The following SPTY2D1 variants were observed in gnomAD, a reference collection of about 807,000 sequenced individuals.
SPTY2D1 encodes SPT2 chromatin protein domain containing 1.
Under a neutral mutation model 64.0 loss-of-function variants are expected in SPTY2D1, and 21 were observed. The observed-to-expected ratio is 0.33, with a 90% CI of 0.23 to 0.47. The LOEUF is 0.47. SPTY2D1 is among the 20% of genes least tolerant of loss of function. The probability of loss-of-function intolerance (pLI) is 1.00; values close to 1 mark genes in which losing one functional copy is unlikely to be tolerated. For missense variants in SPTY2D1, 724 were observed against 837.2 expected (o/e 0.86, Z 1.67); for synonymous variants, 287 against 286.8 (o/e 1.00, Z -0.01).
Position 18,607,220 on chromosome 11 carries a change from C to G in SPTY2D1, c.*2641G>C, listed in dbSNP as rs1854123810. The G allele has an allele frequency of 6.4e-6, 1 of 155,196 alleles. No homozygotes were observed. Among genetic ancestry groups the G allele is most frequent in the African/African-American group, 2.4e-5 (1 of 41,446 alleles). The allele number at this position is 155,196 out of a possible 1,614,324, so 9.6% of individuals were successfully genotyped here. ...TTTTCACGGCACACATGTAAGGCCGCCTGTGACATGTGGTACCCTGGCCTC... is the reference window on the plus strand; with the variant it reads ...TTTTCACGGCACACATGTAAGGCCGGCTGTGACATGTGGTACCCTGGCCTC... On this transcript the variant is annotated 3_prime_UTR_variant, in exon 6 of 6. Transcript: ENST00000336349.
Position 18,613,242 on chromosome 11 carries a change from T to C in SPTY2D1, c.1712-754A>G, listed in dbSNP as rs780664115. On this transcript the variant is annotated intron_variant, in intron 3 of 5. Coordinates refer to ENST00000336349, the MANE Select transcript of SPTY2D1 (RefSeq NM_194285.3). ...ATTATATTGTTCAAACTGAGTAAGT[T>C]TGACTGTAGGAAAAACTCACTACAT... 3.3e-5 allele frequency among the ~76,000 whole-genome samples: 5 copies of C among 152,242 alleles called. No individual in the cohort carries two copies. In the East Asian group the frequency reaches 5.8e-4, roughly 18 times the overall value.
chr11:18,622,725 G>A (rs971974790), intron 1 of SPTY2D1, among the ~76,000 whole-genome samples: 9 of 152,188 alleles, frequency 5.9e-5, no homozygotes, highest in Admixed American at 2.0e-4. Flanking sequence ...GCTGAGGCGG[G>A]CAGATCACCT....
chr11:18,616,847 A>T, intron 2 of SPTY2D1, 28 bp downstream of exon 2: 2 of 1,602,942 alleles, frequency 1.2e-6, no homozygotes, highest in Non-Finnish European at 1.7e-6. Context: ...AATACTTTAA[A>T]ATTGAGAATA....
At chr11:18,616,199 T>A in intron 2 of SPTY2D1, 101 bp from the exon 3 acceptor site, 1 of 1,080,904 alleles carries the variant, frequency 9.3e-7, no homozygotes, top group Non-Finnish European at 1.3e-6. Flanking sequence ...TGAAGACATC[T>A]AGGAATCAAA....
intron 2 of SPTY2D1, among the ~76,000 whole-genome samples, chr11:18,616,643 C>T (rs539760210): frequency 1.3e-5 from 2 of 152,008 alleles, no homozygotes; most frequent in East Asian, 1.9e-4. Context: ...CCCCAAAAAG[C>T]TGTTACTTCA....
At chr11:18,631,048 AG>A (rs1854579093) in intron 1 of SPTY2D1, among the ~76,000 whole-genome samples, 1 of 152,138 alleles carries the variant, frequency 6.6e-6, no homozygotes, top group Admixed American at 6.5e-5. Context: ...CACATTGGCC[AG>A]GCTGGTCTCA....
At chr11:18,624,087 G>T (rs1462404964) in intron 1 of SPTY2D1, among the ~76,000 whole-genome samples, 1 of 151,998 alleles carries the variant, frequency 6.6e-6, no homozygotes, top group Non-Finnish European at 1.5e-5. Flanking sequence ...CATTGAGCAG[G>T]CAAGACCTTT....
intron 1 of SPTY2D1, among the ~76,000 whole-genome samples, chr11:18,618,187 G>C (rs991749545): frequency 6.6e-6 from 1 of 152,054 alleles, no homozygotes; most frequent in African/African-American, 2.4e-5. Context: ...ACACACAAAG[G>C]CTGGGGCAAA....
chr11:18,615,641 C>T lies in SPTY2D1; in HGVS notation c.633G>A (p.Lys211=). 1 of 1,614,170 alleles carries T rather than the reference C, an allele frequency of 6.2e-7. No homozygotes were observed. The highest frequency in any genetic ancestry group is 8.5e-7 in the Non-Finnish European group (1 of 1,180,012). Residue 211 remains lysine (K), a synonymous_variant, in exon 3 of 6, where the codon AAG becomes AAA. Coordinates refer to ENST00000336349, the MANE Select transcript of SPTY2D1 (RefSeq NM_194285.3). ...ELREREFLER[K]HRRKKLETDG... is the part of the protein sequence containing the mutation. ...CTGTCTCAAGTTTTTTTCTCCTATG[C>T]TTTCGTTCAAGGAATTCTCGCTCCC... is the stretch of plus-strand genomic sequence containing the variant.
intron 1 of SPTY2D1, among the ~76,000 whole-genome samples, chr11:18,630,542 G>T (rs1453840353): frequency 6.6e-6 from 1 of 152,196 alleles, no homozygotes; most frequent in Non-Finnish European, 1.5e-5. Context: ...TTGGATTTTA[G>T]TCTAATCATC....
At position 18,616,890 on chromosome 11, in the gene SPTY2D1, C is replaced by T. The variant is rs750581482; in HGVS notation, c.160G>A (p.Glu54Lys). Reference sequence around the variant, plus strand: ...AGATACATACCTTTTCGTCTCAGCTCCTCTTCTTTCCTTTTAAGAAAAGCT... The same window carrying T: ...AGATACATACCTTTTCGTCTCAGCTTCTCTTCTTTCCTTTTAAGAAAAGCT... Reference protein sequence around the residue: ...VQAFLKRKEEELRRKALEEKR... With the variant: ...VQAFLKRKEEKLRRKALEEKR... The change falls in exon 2 of 6, where the codon GAG becomes AAG. Residue 54 changes from glutamate (E) to lysine (K), a missense_variant. This residue lies in a region of SPTY2D1 where 179 missense variants were observed against 232.5 expected (regional missense o/e 0.77). Transcript: ENST00000336349. The T allele has an allele frequency of 1.7e-5, 27 of 1,614,098 alleles. No individual in the cohort carries two copies. The highest frequency in any genetic ancestry group is 2.0e-5 in the Non-Finnish European group (24 of 1,179,990).
intron 5 of SPTY2D1, among the ~76,000 whole-genome samples, chr11:18,611,112 A>G (rs1300179829): frequency 6.6e-6 from 1 of 152,098 alleles, no homozygotes; most frequent in Non-Finnish European, 1.5e-5. Flanking sequence ...CTGGATAACA[A>G]AGCAAGACCC....
rs751026346 is a variant in SPTY2D1 at position 18,615,595 on chromosome 11, C to T, written c.679G>A (p.Val227Met). 1 of 1,614,090 alleles carries T rather than the reference C, an allele frequency of 6.2e-7. No individual in the cohort carries two copies. The highest frequency in any genetic ancestry group is 8.5e-7 in the Non-Finnish European group (1 of 1,180,046). Residue 227 changes from valine to methionine, a missense_variant, in exon 3 of 6, where the codon GTG becomes ATG. Around this residue, in one of 3 missense-constraint regions of SPTY2D1, gnomAD observed 426 missense variants for 431.8 expected, o/e 0.99. Transcript: ENST00000336349. ...TTCTGAGAGGGTGCCTTTTTGGACACAGTTGGAGGTAGTTTTCCATCTGTC... is the reference window on the plus strand; with the variant it reads ...TTCTGAGAGGGTGCCTTTTTGGACATAGTTGGAGGTAGTTTTCCATCTGTC... The part of the protein sequence containing the change: ...LETDGKLPPT[V>M]SKKAPSQKES...
At chr11:18,618,011 C>G (rs955677175) in intron 1 of SPTY2D1, among the ~76,000 whole-genome samples, 2 of 152,080 alleles carry the variant, frequency 1.3e-5, no homozygotes, top group African/African-American at 2.4e-5. Flanking sequence ...AAATAGCCTG[C>G]CTTAGAAAGA....
intron 1 of SPTY2D1, among the ~76,000 whole-genome samples, chr11:18,628,980 T>C (rs1267443890): frequency 6.6e-6 from 1 of 152,194 alleles, no homozygotes; most frequent in Non-Finnish European, 1.5e-5. Flanking sequence ...TCCTAGTTAA[T>C]GTCCTGGGCT....
At chr11:18,613,227 T>C (rs926281233) in intron 3 of SPTY2D1, among the ~76,000 whole-genome samples, 1 of 152,234 alleles carries the variant, frequency 6.6e-6, no homozygotes, top group Non-Finnish European at 1.5e-5. Context: ...ATTATATTGT[T>C]CAAACTGAGT....
chr11:18,621,290 T>G (rs1262530978), intron 1 of SPTY2D1, among the ~76,000 whole-genome samples: 3 of 146,498 alleles, frequency 2.0e-5, no homozygotes, highest in Non-Finnish European at 4.5e-5. Context: ...TACTCTACCC[T>G]GGGTGAGAAG....
intron 1 of SPTY2D1, among the ~76,000 whole-genome samples, chr11:18,625,151 C>A (rs1444125749): frequency 6.6e-6 from 1 of 152,172 alleles, no homozygotes; most frequent in Non-Finnish European, 1.5e-5. Flanking sequence ...TCAAAGAATG[C>A]TGCATCCTTA....
In SPTY2D1 at chr11:18,609,717, G is replaced by T; in HGVS notation, c.*144C>A. 1.5e-6 allele frequency: 1 copy of T among 674,656 alleles called. No individual in the cohort carries two copies. Among genetic ancestry groups the T allele is most frequent in the South Asian group, 1.9e-5 (1 of 53,344 alleles). The allele number at this position is 674,656 out of a possible 1,614,324, so 41.8% of individuals were successfully genotyped here. On this transcript the variant is annotated 3_prime_UTR_variant, in exon 6 of 6. Coordinates refer to ENST00000336349, the MANE Select transcript of SPTY2D1 (RefSeq NM_194285.3). ...ATCTGAAAATATTTTATGCTCAAAT[G>T]ACAGCCTGCAAATGACAGTATGCAT...
Sources: allele counts gnomAD v4.1 joint callset (sites outside exome capture counted in the v4.1 genomes callset), GRCh38; gene constraint gnomAD v4.1.1; regional missense constraint gnomAD v4.1.1; transcripts MANE v1.5; gene names NCBI Gene and HGNC (gene_info 2026-07-23, HGNC 2026-07-21).